Variants in NPAS2 observed in about 807,000 individuals in gnomAD.
The protein encoded by NPAS2 is neuronal PAS domain protein 2.
Under a neutral mutation model 107.5 loss-of-function variants are expected in NPAS2, and 23 were observed. The observed-to-expected ratio is 0.21, with a 90% CI of 0.15 to 0.30. The LOEUF is 0.30. Ranked by LOEUF, NPAS2 falls within the 10% of genes least tolerant of loss-of-function variation. The probability of loss-of-function intolerance (pLI) is 1.00; values close to 1 mark genes in which losing one functional copy is unlikely to be tolerated. For missense variants in NPAS2, 756 were observed against 1,043.3 expected (o/e 0.72, Z 3.79); for synonymous variants, 403 against 417.5 (o/e 0.97, Z 0.42).
At chr2:100,954,671 AAAAAAAAAAG>A (rs1270217054) in intron 7 of NPAS2, among the ~76,000 whole-genome samples, 6 of 124,046 alleles carry the variant, frequency 4.8e-5, no homozygotes, top group African/African-American at 1.9e-4. Context: ...TCTCAAAAAA[AAAAAAAAAAG>A]AAAAAAAAGA....
At chr2:100,871,500 T>C (rs1679585688) in intron 1 of NPAS2, among the ~76,000 whole-genome samples, 1 of 152,024 alleles carries the variant, frequency 6.6e-6, no homozygotes, top group Non-Finnish European at 1.5e-5. Flanking sequence ...TTGGCTAATT[T>C]TTGTATTTTT....
Position 100,970,993 on chromosome 2 carries a change from C to T in NPAS2, c.1059C>T (p.Tyr353=), listed in dbSNP as rs1562313. Residue 353 remains tyrosine (Y), a synonymous_variant, in exon 12 of 21, where the codon TAC becomes TAT. Coordinates refer to ENST00000335681, the MANE Select transcript of NPAS2 (RefSeq NM_002518.4). ...GGTCTCTTAATTTCCTGTACAGTTA[C>T]GCAGATGTCCGGGTGGAAAGGAGGC... ...FIVCTHSVVS[Y]ADVRVERRQE... 0.21 allele frequency: 333,790 copies of T among 1,612,266 alleles called. 35,570 individuals are homozygous for T. Among genetic ancestry groups the T allele is most frequent in the African/African-American group, 0.27 (20,555 of 74,870 alleles).
intron 1 of NPAS2, among the ~76,000 whole-genome samples, chr2:100,848,181 A>G (rs751984412): frequency 1.3e-5 from 2 of 152,136 alleles, no homozygotes; most frequent in Non-Finnish European, 2.9e-5. Context: ...GACTGGACTC[A>G]TGTTTTTATT....
intron 5 of NPAS2, among the ~76,000 whole-genome samples, chr2:100,947,331 A>T (rs1305043601): frequency 1.3e-5 from 2 of 152,104 alleles, no homozygotes; most frequent in East Asian, 3.9e-4. Context: ...TGGGCGGATC[A>T]CCTGAGGTCA....
intron 1 of NPAS2, among the ~76,000 whole-genome samples, chr2:100,840,329 C>T (rs768573566): frequency 6.6e-6 from 1 of 152,106 alleles, no homozygotes; most frequent in East Asian, 1.9e-4. Context: ...TGTAGGTTCC[C>T]GGGAGTGGGG....
chr2:100,857,984 C>T (rs932390366), intron 1 of NPAS2, among the ~76,000 whole-genome samples: 9 of 152,220 alleles, frequency 5.9e-5, no homozygotes, highest in Non-Finnish European at 2.9e-5. Flanking sequence ...GTAAAACATC[C>T]TTTAGGAATC....
intron 1 of NPAS2, among the ~76,000 whole-genome samples, chr2:100,887,738 G>C (rs969848206): frequency 6.6e-6 from 1 of 151,186 alleles, no homozygotes; most frequent in South Asian, 2.1e-4. Flanking sequence ...TCTTACCCGG[G>C]TCCCCTGTCT....
Position 100,964,857 on chromosome 2 carries a change from A to C in NPAS2, c.718-4A>C. 6.4e-7 allele frequency: 1 copy of C among 1,571,808 alleles called. No homozygotes were observed. ...CTTTTTTTTTTTTTCTGCTTCCAAT[A>C]CAGGAAATGTGCATAGTTGACGAAC... is the stretch of plus-strand genomic sequence containing the variant. On this transcript the variant is annotated splice_region_variant and splice_polypyrimidine_tract_variant and intron_variant, in intron 8 of 20. Coordinates refer to ENST00000335681, the MANE Select transcript of NPAS2 (RefSeq NM_002518.4).
chr2:100,951,333 G>T (rs545059014), intron 7 of NPAS2, among the ~76,000 whole-genome samples: 1 of 152,144 alleles, frequency 6.6e-6, no homozygotes, highest in South Asian at 2.1e-4. Flanking sequence ...TCTACTTATG[G>T]GTATGCACGC....
chr2:100,916,095 T>C (rs577348403), intron 2 of NPAS2, among the ~76,000 whole-genome samples: 1 of 152,060 alleles, frequency 6.6e-6, no homozygotes, highest in South Asian at 2.1e-4. Context: ...CAAAGAAATA[T>C]GGAGGGGAAA....
chr2:100,898,549 G>A (rs1003279348), intron 1 of NPAS2, among the ~76,000 whole-genome samples: 3 of 152,142 alleles, frequency 2.0e-5, no homozygotes, highest in African/African-American at 7.2e-5. Context: ...AGGGTGTGGT[G>A]GAATTGGGAA....
chr2:100,988,324 C>T (rs1447221299), intron 17 of NPAS2, 48 bp downstream of exon 17: 2 of 1,528,458 alleles, frequency 1.3e-6, no homozygotes, highest in East Asian at 2.3e-5. Context: ...AGAGCAGACA[C>T]CCTCTTGCAG....
chr2:100,929,529 T>C (rs1683807151), intron 3 of NPAS2, among the ~76,000 whole-genome samples: 6 of 152,196 alleles, frequency 3.9e-5, no homozygotes, highest in Admixed American at 3.9e-4. Flanking sequence ...CAGACCAATA[T>C]GTCATGATCT....
intron 1 of NPAS2, among the ~76,000 whole-genome samples, chr2:100,829,372 C>T (rs983729316): frequency 4.6e-5 from 7 of 152,162 alleles, no homozygotes; most frequent in African/African-American, 1.4e-4. Flanking sequence ...AGGCTGGTCT[C>T]GAACTCCTGA....
chr2:100,898,077 A>G (rs1319807923), intron 1 of NPAS2, among the ~76,000 whole-genome samples: 5 of 151,990 alleles, frequency 3.3e-5, no homozygotes, highest in Admixed American at 2.6e-4. Context: ...AAATCGCATC[A>G]AGCTATCACT....
intron 7 of NPAS2, among the ~76,000 whole-genome samples, chr2:100,949,965 A>G (rs1675128641): frequency 6.6e-6 from 1 of 152,220 alleles, no homozygotes; most frequent in African/African-American, 2.4e-5. Flanking sequence ...ATGAGCCAGG[A>G]ATCTGCATTG....
chr2:100,989,962 A>G (rs1191409157), intron 17 of NPAS2: 5 of 377,954 alleles, frequency 1.3e-5, no homozygotes, highest in Admixed American at 4.1e-5. Flanking sequence ...GGTGAGTTGG[A>G]GAAACAGCCA....
intron 1 of NPAS2, among the ~76,000 whole-genome samples, chr2:100,871,590 C>G (rs1319101043): frequency 6.6e-6 from 1 of 152,100 alleles, no homozygotes; most frequent in Non-Finnish European, 1.5e-5. Flanking sequence ...CTTATCCTCC[C>G]AAAGTGCTAG....
intron 2 of NPAS2, among the ~76,000 whole-genome samples, chr2:100,920,572 G>A (rs1292946765): frequency 6.6e-6 from 1 of 152,060 alleles, no homozygotes; most frequent in Non-Finnish European, 1.5e-5. Flanking sequence ...GGGCTATGTG[G>A]CCCACAATCC....
Sources: allele counts gnomAD v4.1 joint callset (sites outside exome capture counted in the v4.1 genomes callset), GRCh38; gene constraint gnomAD v4.1.1; transcripts MANE v1.5; gene names NCBI Gene and HGNC (gene_info 2026-07-23, HGNC 2026-07-21).